The following NFATC2 variants were observed in gnomAD, a reference collection of about 807,000 sequenced individuals.
The protein encoded by NFATC2 is nuclear factor of activated T-cells, cytoplasmic 2.
Under a neutral mutation model 87.3 loss-of-function variants are expected in NFATC2, and 22 were observed. The observed-to-expected ratio is 0.25, with a 90% CI of 0.18 to 0.36. The LOEUF (loss-of-function observed/expected upper bound fraction) is 0.36, where lower values mean the gene tolerates loss of function less well. Among genes scored for constraint, NFATC2 ranks in the 10% least tolerant of loss-of-function variants. The probability of loss-of-function intolerance (pLI) is 1.00; values close to 1 mark genes in which losing one functional copy is unlikely to be tolerated. For missense variants in NFATC2, 1,149 were observed against 1,259.1 expected (o/e 0.91, Z 1.32); for synonymous variants, 565 against 542.2 (o/e 1.04, Z -0.58).
intron 10 of NFATC2, among the ~76,000 whole-genome samples, chr20:51,397,180 C>T (rs1987289118): frequency 6.6e-6 from 1 of 152,130 alleles, no homozygotes; most frequent in South Asian, 2.1e-4. Context: ...ATGCCCAGCC[C>T]TTCCCCTCTG....
At chr20:51,469,741 C>T (rs1988023339) in intron 5 of NFATC2, among the ~76,000 whole-genome samples, 1 of 152,154 alleles carries the variant, frequency 6.6e-6, no homozygotes. Flanking sequence ...TGGAGCAATG[C>T]AGCCACAAGC....
rs1280503600 is a variant in NFATC2 at position 51,388,486 on chromosome 20, G to A, written c.*3010C>T. ...CTGGAATGAGTAACAAATGTTTCAA[G>A]AATACATCATTTCTCTTAAGAAAAA... On this transcript the variant is annotated 3_prime_UTR_variant, in exon 11 of 11. Transcript: ENST00000371564. The A allele has an allele frequency of 7.2e-6, 1 of 139,590 alleles. No individual in the cohort carries two copies. The highest frequency in any genetic ancestry group is 1.5e-5 in the Non-Finnish European group (1 of 65,730). 8.6% of individuals were successfully genotyped at this position (139,590 alleles called of 1,614,324 possible).
chr20:51,511,779 C>A (rs1025243084), intron 3 of NFATC2, among the ~76,000 whole-genome samples: 17 of 152,354 alleles, frequency 1.1e-4, no homozygotes, highest in Non-Finnish European at 1.8e-4. Context: ...TCTTCCGTAA[C>A]TTCTTCTAAT....
At chr20:51,397,693 C>G (rs577308228) in intron 10 of NFATC2, among the ~76,000 whole-genome samples, 1 of 152,208 alleles carries the variant, frequency 6.6e-6, no homozygotes, top group South Asian at 2.1e-4. Context: ...ATGTGCTCCT[C>G]CCCCCAGGGC....
chr20:51,481,454 C>T (rs1210910035), intron 3 of NFATC2, among the ~76,000 whole-genome samples: 1 of 152,108 alleles, frequency 6.6e-6, no homozygotes, highest in Non-Finnish European at 1.5e-5. Context: ...CGTCACTGGC[C>T]TCCCGAGCAA....
chr20:51,428,599 C>T (rs552880342), intron 9 of NFATC2, among the ~76,000 whole-genome samples: 29 of 152,300 alleles, frequency 1.9e-4, no homozygotes, highest in Middle Eastern at 3.4e-3. Context: ...CCAGACGCGA[C>T]GCTGGGATCA....
At chr20:51,560,223 T>C (rs1392527241) in intron 1 of NFATC2, among the ~76,000 whole-genome samples, 1 of 152,180 alleles carries the variant, frequency 6.6e-6, no homozygotes, top group Admixed American at 6.5e-5. Flanking sequence ...AAGAGAGACA[T>C]AATTATTGGC....
chr20:51,458,235 G>T (rs1465755632), intron 5 of NFATC2, among the ~76,000 whole-genome samples: 1 of 152,158 alleles, frequency 6.6e-6, no homozygotes, highest in African/African-American at 2.4e-5. Context: ...TTTGGAGCTG[G>T]GTAATTCTTT....
At chr20:51,429,280 G>A (rs2146329267) in intron 9 of NFATC2, among the ~76,000 whole-genome samples, 1 of 152,388 alleles carries the variant, frequency 6.6e-6, no homozygotes, top group South Asian at 2.1e-4. Flanking sequence ...AGCCACCAGG[G>A]GACCTGCCCA....
chr20:51,455,021 C>T (rs781688083), intron 5 of NFATC2, among the ~76,000 whole-genome samples: 6 of 152,144 alleles, frequency 3.9e-5, no homozygotes, highest in Non-Finnish European at 8.8e-5. Flanking sequence ...TTTCTTTATC[C>T]TTTTATAAAG....
chr20:51,526,093 G>A lies in NFATC2; in HGVS notation c.131-1983C>T, dbSNP rs115153238. Among the ~76,000 whole-genome samples the A allele has an allele frequency of 2.9e-3, 446 of 151,860 alleles. 3 individuals are homozygous for A. Among genetic ancestry groups the A allele is most frequent in the South Asian group, 0.01 (50 of 4,766 alleles). On this transcript the variant is annotated intron_variant, in intron 1 of 10. Coordinates refer to ENST00000371564, the MANE Select transcript of NFATC2 (RefSeq NM_012340.5). ...GTTCCTTCCTGCATCTGCTCAGCCC[G>A]CACCTCCTGAGATCGACCCATCAAA...
chr20:51,467,657 T>G (rs1167040748), intron 5 of NFATC2, among the ~76,000 whole-genome samples: 10 of 152,236 alleles, frequency 6.6e-5, no homozygotes. Flanking sequence ...AGATCCCATT[T>G]TACTCTCATT....
chr20:51,485,160 G>C (rs147328545), intron 3 of NFATC2, among the ~76,000 whole-genome samples: 157 of 152,344 alleles, frequency 1.0e-3, no homozygotes, highest in African/African-American at 3.6e-3. Flanking sequence ...GAAACCCTGA[G>C]GAAGCCCTAG....
At chr20:51,424,443 A>G (rs1269279222) in intron 9 of NFATC2, among the ~76,000 whole-genome samples, 1 of 152,108 alleles carries the variant, frequency 6.6e-6, no homozygotes, top group African/African-American at 2.4e-5. Context: ...CAACTACTGA[A>G]CCCTCACCGT....
chr20:51,522,046 T>C (rs1017301553), intron 2 of NFATC2, among the ~76,000 whole-genome samples: 2 of 152,202 alleles, frequency 1.3e-5, no homozygotes, highest in Admixed American at 6.5e-5. Context: ...CTAGAGATGA[T>C]GTAATGTATA....
At position 51,542,488 on chromosome 20, in the gene NFATC2, G is replaced by C. The variant is rs1328242067; in HGVS notation, c.12C>G (p.Pro4=). The C allele has an allele frequency of 3.9e-6, 6 of 1,521,054 alleles. No individual in the cohort carries two copies. Among genetic ancestry groups the C allele is most frequent in the Non-Finnish European group, 5.3e-6 (6 of 1,142,616 alleles). The allele number at this position is 1,521,054 out of a possible 1,614,324, so 94.2% of individuals were successfully genotyped here. Reference sequence around the variant, plus strand: ...CGCCGTCGGGTTGGGGCTGCCGCTCGGGGGCGTTCATGGCGCGCAGGGCGG... The same window carrying C: ...CGCCGTCGGGTTGGGGCTGCCGCTCCGGGGCGTTCATGGCGCGCAGGGCGG... The part of the protein sequence containing the change: MNA[P]ERQPQPDGGD... The change falls in exon 1 of 11, where the codon CCC becomes CCG. Residue 4 remains proline, a synonymous_variant. Coordinates refer to ENST00000371564, the MANE Select transcript of NFATC2 (RefSeq NM_012340.5).
intron 3 of NFATC2, among the ~76,000 whole-genome samples, chr20:51,479,446 G>A (rs1162791771): frequency 2.0e-5 from 3 of 152,048 alleles, no homozygotes; most frequent in East Asian, 1.9e-4. Flanking sequence ...GGCCTGACCC[G>A]TCTCCACCAA....
intron 5 of NFATC2, among the ~76,000 whole-genome samples, chr20:51,461,102 C>A (rs1469900702): frequency 6.6e-6 from 1 of 152,228 alleles, no homozygotes. Flanking sequence ...GAAAGAGGAA[C>A]TGAAGCCAGC....
intron 1 of NFATC2, among the ~76,000 whole-genome samples, chr20:51,551,686 G>A (rs1015021129): frequency 1.6e-5 from 1 of 62,062 alleles, no homozygotes; most frequent in Non-Finnish European, 2.5e-5. Flanking sequence ...TTATCATGGA[G>A]TTTTGGCATG....
Sources: allele counts gnomAD v4.1 joint callset (sites outside exome capture counted in the v4.1 genomes callset), GRCh38; gene constraint gnomAD v4.1.1; transcripts MANE v1.5; gene names NCBI Gene and HGNC (gene_info 2026-07-23, HGNC 2026-07-21).